Variants in SPATS1 observed in about 807,000 individuals in gnomAD.
SPATS1 encodes spermatogenesis-associated serine-rich protein 1.
SPATS1 carries 23 observed loss-of-function variants against 33.6 expected under a neutral mutation model. The ratio of observed to expected loss-of-function variants is 0.68; its 90% CI spans 0.49 to 0.97. The LOEUF is 0.97. Among genes scored for constraint, SPATS1 ranks in the 50% least tolerant of loss-of-function variants. The pLI, the probability that SPATS1 is intolerant of heterozygous loss-of-function variation, is 0.00. For missense variants in SPATS1, 327 were observed against 361.0 expected (o/e 0.91, Z 0.76); for synonymous variants, 131 against 125.6 (o/e 1.04, Z -0.29).
Position 44,377,881 on chromosome 6 carries a change from TACCATC to T in SPATS1, c.*822_*827del, listed in dbSNP as rs1790042330. 6.6e-6 allele frequency: 1 copy of T among 152,284 alleles called. No homozygotes were observed. Among genetic ancestry groups the T allele is most frequent in the South Asian group, 2.1e-4 (1 of 4,830 alleles). 9.4% of individuals were successfully genotyped at this position (152,284 alleles called of 1,614,324 possible). On this transcript the variant is annotated 3_prime_UTR_variant, in exon 9 of 9. Transcript: ENST00000674044. The stretch of plus-strand genomic sequence containing the variant: ...GCCTCCCAATGGCCTTACCTCCTAA[TACCATC>T]ACCTTGGGGATTAGGTTTCGACATA...
intron 4 of SPATS1, 39 bp downstream of exon 4, chr6:44,360,609 A>T (rs1189122899): frequency 6.2e-7 from 1 of 1,610,814 alleles, no homozygotes; most frequent in African/African-American, 1.3e-5. Context: ...TCTGTGCCCC[A>T]GGTCTTTTCA....
intron 2 of SPATS1, 65 bp from the exon 3 acceptor site, chr6:44,352,661 G>A: frequency 6.8e-7 from 1 of 1,477,906 alleles, no homozygotes; most frequent in South Asian, 1.2e-5. Context: ...TATAATCTAG[G>A]AAACAAAATA....
intron 5 of SPATS1, among the ~76,000 whole-genome samples, chr6:44,362,915 A>G (rs890759100): frequency 2.5e-4 from 37 of 147,968 alleles, no homozygotes; most frequent in African/African-American, 7.8e-4. Context: ...CTTGGCTCAC[A>G]GCAACCTCCG....
intron 5 of SPATS1, among the ~76,000 whole-genome samples, chr6:44,363,075 G>A (rs889264458): frequency 6.6e-6 from 1 of 151,916 alleles, no homozygotes; most frequent in Non-Finnish European, 1.5e-5. Flanking sequence ...GACCTCAGGT[G>A]ATTCGCCTGC....
chr6:44,349,745 G>T (rs546268681), intron 2 of SPATS1, among the ~76,000 whole-genome samples: 5 of 152,268 alleles, frequency 3.3e-5, no homozygotes, highest in African/African-American at 1.2e-4. Context: ...TTGATATATA[G>T]TACTCAATGT....
chr6:44,368,469 G>A lies in SPATS1; in HGVS notation c.665G>A (p.Gly222Glu). 6.2e-7 allele frequency: 1 copy of A among 1,612,942 alleles called. No individual in the cohort carries two copies. The highest frequency in any genetic ancestry group is 8.5e-7 in the Non-Finnish European group (1 of 1,179,384). ...CAGAGTAAAGGCTTCCACAAAGCAG[G>A]ATCAATGCTCCCACCAGTGAATTTT... is the stretch of plus-strand genomic sequence containing the variant. ...PEQSKGFHKA[G>E]SMLPPVNFSI... Residue 222 changes from glycine (G) to glutamate (E), a missense_variant, in exon 6 of 9, where the codon GGA becomes GAA. Physicochemically the swap from Gly to Glu is moderately conservative, Grantham distance 98 (BLOSUM62 -2). Transcript: ENST00000674044.
At chr6:44,343,621 CT>C in intron 2 of SPATS1, 1 of 405,088 alleles carries the variant, frequency 2.5e-6, no homozygotes, top group Non-Finnish European at 4.9e-6. Flanking sequence ...TTCATCTTTC[CT>C]TTGCTCAGAT....
chr6:44,350,335 A>G (rs1411904), intron 2 of SPATS1, among the ~76,000 whole-genome samples: 85,765 of 152,094 alleles, frequency 0.56, 26,086 homozygotes, highest in Non-Finnish European at 0.69. Context: ...CTAGACTTCA[A>G]GAAGGAGATT....
At chr6:44,353,005 C>T (rs554872261) in intron 3 of SPATS1, 132 bp downstream of exon 3, 12 of 922,906 alleles carry the variant, frequency 1.3e-5, no homozygotes, top group Middle Eastern at 3.5e-4. Context: ...GTTCAAATCC[C>T]GGTTCTGCCA....
At chr6:44,354,075 G>A (rs1015246197) in intron 3 of SPATS1, among the ~76,000 whole-genome samples, 1 of 148,460 alleles carries the variant, frequency 6.7e-6, no homozygotes, top group African/African-American at 2.5e-5. Context: ...CACATGGCTG[G>A]GCATGGTGGC....
intron 2 of SPATS1, among the ~76,000 whole-genome samples, chr6:44,351,357 G>A (rs1788231983): frequency 6.6e-6 from 1 of 151,984 alleles, no homozygotes; most frequent in Non-Finnish European, 1.5e-5. Flanking sequence ...TGTAATTTTT[G>A]TATTGCGGGG....
rs1790139914 is a variant in SPATS1, at chr6:44,380,158, T to C, written c.*3095T>C. ...CTTCACCTCACTGTAGGGTCTTTGG[T>C]AAATAAAAACATGTGGGTGCAGAGG... On this transcript the variant is annotated 3_prime_UTR_variant, in exon 9 of 9. Transcript: ENST00000674044. Among the ~76,000 whole-genome samples, 1 of 152,194 alleles carries C rather than the reference T, an allele frequency of 6.6e-6. No homozygotes were observed. The highest frequency in any genetic ancestry group is 2.4e-5 in the African/African-American group (1 of 41,444).
chr6:44,370,830 A>C (rs758131104), intron 7 of SPATS1, among the ~76,000 whole-genome samples: 19 of 152,274 alleles, frequency 1.2e-4, no homozygotes, highest in Middle Eastern at 3.4e-3. Flanking sequence ...TTTAATAAAC[A>C]CTATTCTAGA....
chr6:44,374,133 T>A (rs1004195436), intron 7 of SPATS1, among the ~76,000 whole-genome samples: 2 of 152,232 alleles, frequency 1.3e-5, no homozygotes, highest in African/African-American at 4.8e-5. Context: ...GGGATGCATC[T>A]ATATTAGGTC....
intron 2 of SPATS1, among the ~76,000 whole-genome samples, chr6:44,352,411 G>A (rs1410754440): frequency 2.0e-5 from 3 of 152,038 alleles, no homozygotes; most frequent in African/African-American, 4.8e-5. Flanking sequence ...CTCCCAAAGT[G>A]CTGAGATTAC....
At chr6:44,348,996 TG>T (rs528140521) in intron 2 of SPATS1, among the ~76,000 whole-genome samples, 1,558 of 152,246 alleles carry the variant, frequency 0.01, 27 homozygotes, top group African/African-American at 0.035. Flanking sequence ...CCAGGCATGA[TG>T]GTGGGCACCT....
rs1790132487 is a variant in SPATS1 at position 44,380,013 on chromosome 6, G to A, written c.*2950G>A. Among the ~76,000 whole-genome samples the A allele has an allele frequency of 6.6e-6, 1 of 152,162 alleles. No individual in the cohort carries two copies. Reference sequence around the variant, plus strand: ...GGACAGCATGAGTATGTCTACGTGTGTGGGGAGACAAAGGCATAGAGAAAG... The same window carrying A: ...GGACAGCATGAGTATGTCTACGTGTATGGGGAGACAAAGGCATAGAGAAAG... On this transcript the variant is annotated 3_prime_UTR_variant, in exon 9 of 9. Transcript: ENST00000674044.
chr6:44,374,565 T>C (rs1192090942), intron 7 of SPATS1, among the ~76,000 whole-genome samples: 1 of 152,266 alleles, frequency 6.6e-6, no homozygotes, highest in Non-Finnish European at 1.5e-5. Context: ...GTGAGCCAGC[T>C]TGAAAATATT....
At chr6:44,354,705 C>A (rs144210967) in intron 3 of SPATS1, among the ~76,000 whole-genome samples, 1 of 152,218 alleles carries the variant, frequency 6.6e-6, no homozygotes, top group Non-Finnish European at 1.5e-5. Flanking sequence ...ATGGATACAT[C>A]ATAATCACCC....
Sources: gnomAD v4.1 joint callset for allele counts (sites outside exome capture counted in the v4.1 genomes callset) on GRCh38, gnomAD v4.1.1 for gene constraint, MANE v1.5 for transcripts, NCBI Gene and HGNC (gene_info 2026-07-23, HGNC 2026-07-21) for gene names.